Variants in COMMD10 observed in about 807,000 individuals in gnomAD.
COMMD10 encodes COMM domain-containing protein 10.
Under a neutral mutation model 28.9 loss-of-function variants are expected in COMMD10, and 33 were observed. That is an observed-to-expected ratio of 1.14 (90% CI 0.87 to 1.53). The LOEUF is 1.53. COMMD10 is among the 40% of genes most tolerant of loss of function. The pLI, the probability that COMMD10 is intolerant of heterozygous loss-of-function variation, is 0.00. For synonymous variants in COMMD10, 110 were observed against 81.7 expected (o/e 1.35, Z -1.87); for missense variants, 310 against 233.4 (o/e 1.33, Z -2.14).
chr5:116,230,193 A>T (rs1426725052), intron 5 of COMMD10, among the ~76,000 whole-genome samples: 1 of 152,034 alleles, frequency 6.6e-6, no homozygotes, highest in Admixed American at 6.6e-5. Context: ...GAAGCCATGT[A>T]ACAAAGCAGC....
intron 5 of COMMD10, among the ~76,000 whole-genome samples, chr5:116,143,935 A>C (rs1008138861): frequency 1.3e-5 from 2 of 151,730 alleles, no homozygotes; most frequent in African/African-American, 4.8e-5. Flanking sequence ...GACTAGTACA[A>C]AGGAGGAAGT....
At chr5:116,119,604 T>C (rs1751356024) in intron 4 of COMMD10, among the ~76,000 whole-genome samples, 1 of 152,150 alleles carries the variant, frequency 6.6e-6, no homozygotes, top group Admixed American at 6.6e-5. Context: ...CCCTGGCATC[T>C]TATTATTTTT....
chr5:116,211,271 C>G (rs905058969), intron 5 of COMMD10, among the ~76,000 whole-genome samples: 1 of 152,090 alleles, frequency 6.6e-6, no homozygotes, highest in African/African-American at 2.4e-5. Flanking sequence ...GTGCAAACAT[C>G]ATAGAGTATA....
intron 5 of COMMD10, among the ~76,000 whole-genome samples, chr5:116,274,100 A>G (rs1242355549): frequency 3.3e-5 from 5 of 151,778 alleles, no homozygotes; most frequent in African/African-American, 9.7e-5. Flanking sequence ...ATATTAAATG[A>G]TAGTGAAGAG....
chr5:116,132,928 G>A (rs77534630), intron 4 of COMMD10, among the ~76,000 whole-genome samples: 1 of 152,220 alleles, frequency 6.6e-6, no homozygotes, highest in East Asian at 1.9e-4. Context: ...AAGGCTTAGT[G>A]CCAGAAGGAA....
intron 5 of COMMD10, among the ~76,000 whole-genome samples, chr5:116,159,115 T>G (rs938900742): frequency 1.3e-5 from 2 of 152,236 alleles, no homozygotes; most frequent in Non-Finnish European, 2.9e-5. Context: ...AGTCATACTT[T>G]TAAAATATAA....
rs182725474 is a variant in COMMD10 at position 116,197,149 on chromosome 5, C to T, written c.510+62971C>T. Among the ~76,000 whole-genome samples the T allele has an allele frequency of 8.0e-3, 1,222 of 152,174 alleles. 20 individuals carry two copies. Among genetic ancestry groups the T allele is most frequent in the African/African-American group, 0.028 (1,146 of 41,518 alleles). On this transcript the variant is annotated intron_variant, in intron 5 of 6. Transcript: ENST00000274458. ...TGTGGGGTTGCCTCATCAAATTTTGCATAGCCTACATTACAATCATAGAAT... is the reference window on the plus strand; with the variant it reads ...TGTGGGGTTGCCTCATCAAATTTTGTATAGCCTACATTACAATCATAGAAT...
intron 5 of COMMD10, among the ~76,000 whole-genome samples, chr5:116,205,387 G>A (rs904013995): frequency 6.6e-6 from 1 of 152,058 alleles, no homozygotes; most frequent in Non-Finnish European, 1.5e-5. Flanking sequence ...AGTAGCATCT[G>A]GTGTTACTGA....
intron 5 of COMMD10, among the ~76,000 whole-genome samples, chr5:116,217,811 T>G (rs1333159835): frequency 6.6e-6 from 1 of 152,020 alleles, no homozygotes; most frequent in African/African-American, 2.4e-5. Context: ...AAGGGAAAAG[T>G]GTTTTCCCCA....
intron 5 of COMMD10, among the ~76,000 whole-genome samples, chr5:116,258,373 ATAAT>A (rs1226768504): frequency 1.3e-5 from 2 of 151,836 alleles, no homozygotes; most frequent in Non-Finnish European, 2.9e-5. Context: ...TTATGCATAA[ATAAT>A]TATTTAAATT....
intron 5 of COMMD10, among the ~76,000 whole-genome samples, chr5:116,206,955 A>G (rs1296242449): frequency 6.8e-6 from 1 of 147,262 alleles, no homozygotes; most frequent in East Asian, 2.2e-4. Context: ...GAAATGTTGT[A>G]TGAAAAAAAC....
intron 4 of COMMD10, among the ~76,000 whole-genome samples, chr5:116,098,255 A>G (rs1020565750): frequency 4.6e-5 from 7 of 152,220 alleles, no homozygotes; most frequent in African/African-American, 1.7e-4. Context: ...AGATCATGCC[A>G]TTTAAATTGT....
intron 5 of COMMD10, among the ~76,000 whole-genome samples, chr5:116,200,031 A>T (rs1293337644): frequency 6.6e-6 from 1 of 152,120 alleles, no homozygotes; most frequent in Non-Finnish European, 1.5e-5. Context: ...GGTACTTGTG[A>T]TGTTTTGATA....
chr5:116,254,509 G>T (rs1035532457), intron 5 of COMMD10, among the ~76,000 whole-genome samples: 1 of 150,696 alleles, frequency 6.6e-6, no homozygotes, highest in Non-Finnish European at 1.5e-5. Flanking sequence ...CTTTGTTCTT[G>T]TTGGTTTCAA....
intron 4 of COMMD10, among the ~76,000 whole-genome samples, chr5:116,100,982 G>T (rs1043534438): frequency 6.6e-6 from 1 of 152,290 alleles, no homozygotes; most frequent in East Asian, 1.9e-4. Flanking sequence ...TTATGAGTAA[G>T]AATATGCAGT....
chr5:116,170,615 A>G (rs970029878), intron 5 of COMMD10, among the ~76,000 whole-genome samples: 7 of 152,244 alleles, frequency 4.6e-5, no homozygotes, highest in African/African-American at 1.7e-4. Context: ...CCAAAACAGC[A>G]TGGTACTGGT....
chr5:116,258,290 A>C (rs1012795958), intron 5 of COMMD10, among the ~76,000 whole-genome samples: 2 of 151,758 alleles, frequency 1.3e-5, no homozygotes, highest in Non-Finnish European at 2.9e-5. Flanking sequence ...TCTGTAGCAC[A>C]CTTACTCTCT....
chr5:116,285,256 CCTTA>C (rs1333451287), intron 5 of COMMD10, among the ~76,000 whole-genome samples: 4 of 151,860 alleles, frequency 2.6e-5, no homozygotes, highest in African/African-American at 9.7e-5. Context: ...GCTCTATACT[CCTTA>C]CTTGATAAGA....
At chr5:116,209,171 T>G (rs1361150436) in intron 5 of COMMD10, among the ~76,000 whole-genome samples, 3 of 152,168 alleles carry the variant, frequency 2.0e-5, no homozygotes, top group Non-Finnish European at 4.4e-5. Context: ...GTACTTTGAC[T>G]AATTTAATAA....
Sources: gnomAD v4.1 joint callset for allele counts (sites outside exome capture counted in the v4.1 genomes callset) on GRCh38, gnomAD v4.1.1 for gene constraint, MANE v1.5 for transcripts, NCBI Gene and HGNC (gene_info 2026-07-23, HGNC 2026-07-21) for gene names.